PLB1: variants seen among roughly 807,000 people sequenced by gnomAD.
The protein encoded by PLB1 is phospholipase B1, membrane-associated.
PLB1 carries 242 observed loss-of-function variants against 227.4 expected under a neutral mutation model. The observed-to-expected ratio is 1.06, with a 90% CI of 0.96 to 1.18. PLB1 has a LOEUF of 1.18. Among genes scored for constraint, PLB1 ranks in the 50% most tolerant of loss-of-function variants. PLB1 has a pLI of 0.00. For synonymous variants in PLB1, 757 were observed against 682.2 expected (o/e 1.11, Z -1.71); for missense variants, 1,858 against 1,816.3 (o/e 1.02, Z -0.42).
intron 49 of PLB1, 116 bp downstream of exon 49, chr2:28,621,094 G>A (rs1401661317): frequency 5.1e-6 from 4 of 784,918 alleles, no homozygotes; most frequent in Non-Finnish European, 8.3e-6. Flanking sequence ...AATAGCAGCT[G>A]TGCAGGACTT....
In PLB1 at chr2:28,593,792, A is replaced by G. The variant is rs549805027; in HGVS notation, c.2321+38A>G. On this transcript the variant is annotated intron_variant, in intron 33 of 57. Transcript: ENST00000327757. ...TTTGACCTCTCCCAGCGTTCCCCCC[A>G]CAACAGAGATTAGGTGTGGCTTTGT... The G allele has an allele frequency of 7.7e-6, 12 of 1,562,088 alleles. No individual in the cohort carries two copies. The East Asian group carries it at 1.1e-4, about 15-fold the overall frequency.
rs201489099 is a variant in PLB1 at position 28,543,267 on chromosome 2, T to C, written c.935T>C (p.Met312Thr). Reference protein sequence around the residue: ...TTLAWHLWNRMMEPAGEKDEP... With the variant: ...TTLAWHLWNRTMEPAGEKDEP... ...CTGGCCTGGCATCTCTGGAATAGGATGGTGAGTAGATGGGGCCTGGGGTGG... is the reference window on the plus strand; with the variant it reads ...CTGGCCTGGCATCTCTGGAATAGGACGGTGAGTAGATGGGGCCTGGGGTGG... Residue 312 changes from methionine to threonine, a missense_variant and splice_region_variant, in exon 14 of 58, where the codon ATG (methionine) becomes ACG (threonine). Physicochemically the swap from Met to Thr is moderately conservative, Grantham distance 81. Transcript: ENST00000327757. 2.0e-4 allele frequency: 320 copies of C among 1,611,860 alleles called. 1 individual carries two copies. The highest frequency in any genetic ancestry group is 2.6e-4 in the Non-Finnish European group (305 of 1,179,202).
chr2:28,599,262 C>G (rs552184631), intron 35 of PLB1, among the ~76,000 whole-genome samples: 2 of 152,220 alleles, frequency 1.3e-5, no homozygotes, highest in African/African-American at 4.8e-5. Flanking sequence ...CAAAGAAGAG[C>G]AACTGCCCAG....
At chr2:28,594,350 C>G (rs1031288082) in intron 33 of PLB1, 3 of 203,894 alleles carry the variant, frequency 1.5e-5, no homozygotes, top group African/African-American at 7.0e-5. Flanking sequence ...CGAGCGGTTG[C>G]GTGTAGATAT....
intron 49 of PLB1, among the ~76,000 whole-genome samples, chr2:28,623,996 C>G (rs1046964093): frequency 6.6e-6 from 1 of 152,138 alleles, no homozygotes; most frequent in Admixed American, 6.5e-5. Context: ...ACTCGGAAGG[C>G]TGAGATGGGA....
intron 11 of PLB1, 111 bp downstream of exon 11, chr2:28,539,289 G>A (rs1672135499): frequency 1.0e-6 from 1 of 964,126 alleles, no homozygotes; most frequent in Non-Finnish European, 1.6e-6. Flanking sequence ...AAGAACAGAG[G>A]CCAAAGGAGG....
chr2:28,597,263 C>CAAAAA (rs1553448752), intron 33 of PLB1, among the ~76,000 whole-genome samples: 3 of 103,590 alleles, frequency 2.9e-5, no homozygotes, highest in African/African-American at 1.0e-4. Flanking sequence ...GACTCCGTCT[C>CAAAAA]GAAAAAAAAA....
chr2:28,501,911 C>T (rs1667148770), intron 1 of PLB1, among the ~76,000 whole-genome samples: 1 of 152,124 alleles, frequency 6.6e-6, no homozygotes, highest in African/African-American at 2.4e-5. Flanking sequence ...ACAAATACTA[C>T]TGTCATGAAC....
rs539807209 is a variant in PLB1, at chr2:28,598,660, C to T, written c.2374C>T (p.Arg792Trp). 58 of 1,613,156 alleles carry T rather than the reference C, an allele frequency of 3.6e-5. No homozygotes were observed. Among genetic ancestry groups the T allele is most frequent in the African/African-American group, 2.5e-4 (19 of 75,046 alleles). Residue 792 changes from arginine to tryptophan, a missense_variant, in exon 35 of 58, where the codon CGG becomes TGG. By Grantham distance (101) the Arg-to-Trp change is moderately radical. Transcript: ENST00000327757. ...TTCACCTTCTCTTCCAGATATCCTT[C>T]GGGAGTTTAACAGAAACCTCACAGG... Reference protein sequence around the residue: ...ENVTTLPNILREFNRNLTGYA... With the variant: ...ENVTTLPNILWEFNRNLTGYA...
intron 57 of PLB1, among the ~76,000 whole-genome samples, chr2:28,641,879 A>G (rs543017337): frequency 6.6e-6 from 1 of 152,112 alleles, no homozygotes; most frequent in South Asian, 2.1e-4. Flanking sequence ...GCTGCTTGAA[A>G]TCCTTGCCTG....
chr2:28,590,000 T>G lies in PLB1; in HGVS notation c.2017-5T>G, dbSNP rs1681612343. The G allele has an allele frequency of 6.2e-7, 1 of 1,612,774 alleles. No homozygotes were observed. The highest frequency in any genetic ancestry group is 1.1e-5 in the South Asian group (1 of 91,066). ...CACTCCCCATCTCCCTGCTTCTTTG[T>G]TTAGCTGGAGCCTGTTGGCCAGAAG... On this transcript the variant is annotated splice_region_variant and splice_polypyrimidine_tract_variant and intron_variant, in intron 28 of 57. Transcript: ENST00000327757.
intron 1 of PLB1, among the ~76,000 whole-genome samples, chr2:28,504,256 AT>A (rs1231932825): frequency 5.9e-5 from 9 of 152,198 alleles, no homozygotes; most frequent in Non-Finnish European, 1.3e-4. Context: ...GTAATTTATT[AT>A]GATACATCTT....
intron 15 of PLB1, among the ~76,000 whole-genome samples, chr2:28,549,412 CTTTTTTT>C (rs746205635): frequency 4.6e-5 from 4 of 87,278 alleles, no homozygotes; most frequent in Admixed American, 1.8e-4. Flanking sequence ...GAGATTCTTT[CTTTTTTT>C]TTTTTTTTTT....
chr2:28,540,272 A>G (rs1306496065), intron 11 of PLB1, 94 bp from the exon 12 acceptor site: 7 of 987,264 alleles, frequency 7.1e-6, no homozygotes, highest in South Asian at 1.3e-5. Flanking sequence ...AGCAACTCCT[A>G]TGCCCCTTCT....
rs369617474 is a variant in PLB1 at position 28,592,891 on chromosome 2, G to A, written c.2247+172G>A. On this transcript the variant is annotated intron_variant, in intron 32 of 57. Transcript: ENST00000327757. ...TTGATTTGCGGCCACTTTCTCAAACGGATATGCAGAGGAAATCTTTTTTGG... is the reference window on the plus strand; with the variant it reads ...TTGATTTGCGGCCACTTTCTCAAACAGATATGCAGAGGAAATCTTTTTTGG... 5.4e-5 allele frequency: 33 copies of A among 606,760 alleles called. No homozygotes were observed. In the East Asian group the frequency reaches 6.6e-4, roughly 12 times the overall value. The allele number at this position is 606,760 out of a possible 1,614,324, so 37.6% of individuals were successfully genotyped here.
In PLB1 at chr2:28,497,586, A is replaced by G. The variant is rs1278487750; in HGVS notation, c.55+1417A>G. On this transcript the variant is annotated intron_variant, in intron 1 of 57. Coordinates refer to ENST00000327757, the MANE Select transcript of PLB1 (RefSeq NM_153021.5). The stretch of plus-strand genomic sequence containing the variant: ...GCAAAAAATAGAGAAGATGGCAGTC[A>G]TTAACCAAACCTGACCATTCTGGGC... Among the ~76,000 whole-genome samples, 7 of 152,258 alleles carry G rather than the reference A, an allele frequency of 4.6e-5. No individual in the cohort carries two copies. In the East Asian group the frequency reaches 9.6e-4, roughly 21 times the overall value.
chr2:28,582,374 C>A, intron 24 of PLB1, 31 bp from the exon 25 acceptor site: 3 of 1,591,076 alleles, frequency 1.9e-6, no homozygotes, highest in Non-Finnish European at 2.6e-6. Flanking sequence ...CCAGCCTCAT[C>A]CTCTTGGTGA....
At chr2:28,604,615 C>G (rs1195776249) in intron 40 of PLB1, 40 bp from the exon 41 acceptor site, 1 of 1,585,494 alleles carries the variant, frequency 6.3e-7, no homozygotes, top group East Asian at 2.2e-5. Flanking sequence ...CCTGGGCCCA[C>G]CCAGGGCCTG....
Position 28,516,697 on chromosome 2 carries a change from A to G in PLB1, c.56-111A>G, listed in dbSNP as rs1668888584. 1.1e-5 allele frequency: 10 copies of G among 937,204 alleles called. No individual in the cohort carries two copies. In the Admixed American group the frequency reaches 1.6e-4, roughly 15 times the overall value. The allele number at this position is 937,204 out of a possible 1,614,324, so 58.1% of individuals were successfully genotyped here. A position where few individuals can be genotyped will look rare whatever the true frequency, so the allele number is the denominator to read the frequency against. ...TCTGGGCTTCCCTAACACAGTGGAC[A>G]TTACTGAGCTGGGCACACAGATATG... On this transcript the variant is annotated intron_variant, in intron 1 of 57. Transcript: ENST00000327757.
Sources: allele counts gnomAD v4.1 joint callset (sites outside exome capture counted in the v4.1 genomes callset), GRCh38; gene constraint gnomAD v4.1.1; transcripts MANE v1.5; gene names NCBI Gene and HGNC (gene_info 2026-07-23, HGNC 2026-07-21).